The following IL17RD variants were observed in gnomAD, a reference collection of about 807,000 sequenced individuals.
The protein encoded by IL17RD is interleukin-17 receptor D.
Under a neutral mutation model 80.5 loss-of-function variants are expected in IL17RD, and 52 were observed. The ratio of observed to expected loss-of-function variants is 0.65; its 90% CI spans 0.52 to 0.81. The LOEUF is 0.81. Ranked by LOEUF, IL17RD falls within the 40% of genes least tolerant of loss-of-function variation. The pLI is 0.00. For synonymous variants in IL17RD, 416 were observed against 391.8 expected (o/e 1.06, Z -0.73); for missense variants, 1,024 against 955.1 (o/e 1.07, Z -0.95).
At chr3:57,110,076 T>A in intron 4 of IL17RD, 117 bp downstream of exon 4, 2 of 1,182,002 alleles carry the variant, frequency 1.7e-6, no homozygotes, top group Admixed American at 4.4e-5. Flanking sequence ...TTGCCCACCT[T>A]GGCGGGTGGG....
In IL17RD at chr3:57,095,061, G is replaced by A. The variant is rs1055118674; in HGVS notation, c.*1332C>T. ...CCCACCTCCCACCTTGCCTCAGGAT[G>A]TTTCTCAACATACCCCTTCATGTTG... On this transcript the variant is annotated 3_prime_UTR_variant, in exon 13 of 13. Coordinates refer to ENST00000296318, the MANE Select transcript of IL17RD (RefSeq NM_017563.5). 1.8e-4 allele frequency: 27 copies of A among 152,544 alleles called. No individual in the cohort carries two copies. The highest frequency in any genetic ancestry group is 6.3e-4 in the African/African-American group (26 of 41,458). The allele number at this position is 152,544 out of a possible 1,614,324, so 9.4% of individuals were successfully genotyped here.
chr3:57,100,160 T>C (rs1706793006), intron 11 of IL17RD, among the ~76,000 whole-genome samples: 1 of 152,250 alleles, frequency 6.6e-6, no homozygotes, highest in African/African-American at 2.4e-5. Flanking sequence ...GCAAACTTGG[T>C]TGCCCGTGGT....
upstream of IL17RD, among the ~76,000 whole-genome samples, chr3:57,166,723 C>G (rs1317390006): frequency 1.3e-5 from 2 of 152,190 alleles, no homozygotes; most frequent in Admixed American, 1.3e-4. Context: ...TCCTGCTGCA[C>G]AGAACTCCCC....
At chr3:57,130,699 C>T (rs1302124101) in intron 1 of IL17RD, among the ~76,000 whole-genome samples, 2 of 152,184 alleles carry the variant, frequency 1.3e-5, no homozygotes, top group African/African-American at 2.4e-5. Flanking sequence ...GTGACACTCA[C>T]GGTGTTACCT....
At chr3:57,132,154 C>T (rs1025833023) in intron 1 of IL17RD, among the ~76,000 whole-genome samples, 1 of 151,726 alleles carries the variant, frequency 6.6e-6, no homozygotes, top group African/African-American at 2.4e-5. Flanking sequence ...CCACCACACT[C>T]CAGACTGGGT....
intron 1 of IL17RD, among the ~76,000 whole-genome samples, chr3:57,136,175 A>G (rs1437169995): frequency 1.3e-5 from 2 of 152,198 alleles, no homozygotes; most frequent in South Asian, 2.1e-4. Context: ...GTGGAAACCT[A>G]AGACCTCCAA....
rs150493034 is a variant in IL17RD at position 57,145,865 on chromosome 3, CAT to C, written c.126+19294_126+19295del. Among the ~76,000 whole-genome samples, 393 of 152,340 alleles carry C rather than the reference CAT, an allele frequency of 2.6e-3. 1 individual carries two copies. The highest frequency in any genetic ancestry group is 9.0e-3 in the African/African-American group (374 of 41,580). On this transcript the variant is annotated intron_variant, in intron 1 of 12. Transcript: ENST00000296318. ...GTCAGCCTGAGATGCTCTCATCACA[CAT>C]GTCACAGTGACCTCAATGAGACAGC...
chr3:57,098,776 A>G (rs776581524), intron 11 of IL17RD, among the ~76,000 whole-genome samples: 5 of 152,214 alleles, frequency 3.3e-5, no homozygotes, highest in Non-Finnish European at 7.3e-5. Context: ...TTTGTATCAC[A>G]TGGAGTCATT....
At chr3:57,105,808 G>A in intron 7 of IL17RD, 49 bp downstream of exon 7, 1 of 1,561,114 alleles carries the variant, frequency 6.4e-7, no homozygotes, top group South Asian at 1.2e-5. Flanking sequence ...GTGGCCTGGG[G>A]GTCGCTTTGA....
chr3:57,167,821 AT>A (rs2060354563), upstream of IL17RD, among the ~76,000 whole-genome samples: 1 of 151,992 alleles, frequency 6.6e-6, no homozygotes, highest in Admixed American at 6.6e-5. Context: ...TTTGTTGGCC[AT>A]TTGTATTCTT....
chr3:57,120,084 CA>C (rs1272420840), intron 2 of IL17RD, among the ~76,000 whole-genome samples, 171 bp downstream of exon 2: 1 of 152,186 alleles, frequency 6.6e-6, no homozygotes, highest in African/African-American at 2.4e-5. Flanking sequence ...GTCAAGCTCC[CA>C]AATACTTGAG....
intron 5 of IL17RD, among the ~76,000 whole-genome samples, chr3:57,108,058 CTT>C (rs112695935): frequency 1.4e-5 from 2 of 146,812 alleles, no homozygotes; most frequent in Admixed American, 6.9e-5. Flanking sequence ...CTTTTTATTC[CTT>C]TTTTTTTTTT....
In IL17RD at chr3:57,097,582, C is replaced by T; in HGVS notation, c.2107+14G>A. 6.4e-7 allele frequency: 1 copy of T among 1,559,094 alleles called. No individual in the cohort carries two copies. Among genetic ancestry groups the T allele is most frequent in the Non-Finnish European group, 8.7e-7 (1 of 1,150,804 alleles). On this transcript the variant is annotated intron_variant, in intron 12 of 12. Coordinates refer to ENST00000296318, the MANE Select transcript of IL17RD (RefSeq NM_017563.5). ...GCTGCGGCCTGTTAGGACCCGGCCC[C>T]AAAGGCACCTTACCCAGGCCTGAAG...
At chr3:57,105,245 A>C (rs1706927434) in intron 7 of IL17RD, among the ~76,000 whole-genome samples, 1 of 152,116 alleles carries the variant, frequency 6.6e-6, no homozygotes, top group Non-Finnish European at 1.5e-5. Context: ...TGCTGAAAAT[A>C]TAAAAGGACA....
chr3:57,110,100 C>A, intron 4 of IL17RD, 93 bp downstream of exon 4: 1 of 1,434,464 alleles, frequency 7.0e-7, no homozygotes, highest in Non-Finnish European at 9.5e-7. Context: ...GACCCCATAG[C>A]CCCTCCTTCT....
At position 57,146,874 on chromosome 3, in the gene IL17RD, A is replaced by G. The variant is rs1410714337; in HGVS notation, c.126+18287T>C. 5.4e-5 allele frequency among the ~76,000 whole-genome samples: 7 copies of G among 128,866 alleles called. No individual in the cohort carries two copies. In the East Asian group the frequency reaches 8.1e-4, roughly 15 times the overall value. 84.5% of individuals were successfully genotyped at this position (128,866 alleles called of 152,430 possible). On this transcript the variant is annotated intron_variant, in intron 1 of 12. Coordinates refer to ENST00000296318, the MANE Select transcript of IL17RD (RefSeq NM_017563.5). ...TCTCTGTCGCCCAGACTGGAGTGCA[A>G]TGGCACAATCTTGACTCACTGCAAC...
In IL17RD at chr3:57,097,881, C is replaced by G. The variant is rs1005238489; in HGVS notation, c.1822G>C (p.Ala608Pro). The G allele has an allele frequency of 1.4e-5, 23 of 1,613,910 alleles. No homozygotes were observed. Among genetic ancestry groups the G allele is most frequent in the Non-Finnish European group, 1.9e-5 (23 of 1,179,876 alleles). The change falls in exon 12 of 13, where the codon GCT becomes CCT. Residue 608 changes from alanine to proline, a missense_variant. Ala to Pro is a conservative substitution (Grantham distance 27, BLOSUM62 -1). Transcript: ENST00000296318. Reference protein sequence around the residue: ...ESDFCLKVEAAVLGATGPADS... With the variant: ...ESDFCLKVEAPVLGATGPADS... ...GCTGGTCCGGTTGCCCCAAGAACAG[C>G]CGCCTCTACCTTTAGGCAGAAGTCA...
chr3:57,140,997 G>C (rs1024741322), intron 1 of IL17RD, among the ~76,000 whole-genome samples: 1 of 151,604 alleles, frequency 6.6e-6, no homozygotes, highest in Non-Finnish European at 1.5e-5. Context: ...GGGCTCAAAC[G>C]ATCCTCTGCC....
chr3:57,134,328 GA>G, intron 1 of IL17RD: 1 of 691,372 alleles, frequency 1.4e-6, no homozygotes. Context: ...TTGATGCCGG[GA>G]AAACACCTTG....
Sources: gnomAD v4.1 joint callset for allele counts (sites outside exome capture counted in the v4.1 genomes callset) on GRCh38, gnomAD v4.1.1 for gene constraint, MANE v1.5 for transcripts, NCBI Gene and HGNC (gene_info 2026-07-23, HGNC 2026-07-21) for gene names.